SIPA1L1: variants seen among roughly 807,000 people sequenced by gnomAD.
The protein encoded by SIPA1L1 is signal induced proliferation associated 1 like 1, also known as signal-induced proliferation-associated 1-like protein 1.
In SIPA1L1, 26 loss-of-function variants were observed where a neutral mutation model predicts 162.7. That is an observed-to-expected ratio of 0.16 (90% confidence interval 0.12 to 0.22). SIPA1L1 has a LOEUF of 0.22. SIPA1L1 is among the 10% of genes least tolerant of loss of function. The pLI is 1.00. For missense variants in SIPA1L1, 1,874 were observed against 2,241.0 expected, an observed-to-expected ratio of 0.84 and a Z score of 3.31; for synonymous variants, 829 against 837.4, an observed-to-expected ratio of 0.99 and a Z score of 0.17.
chr14:71,362,222 A>C (rs913181492), intron 2 of SIPA1L1, among the ~76,000 whole-genome samples: 4 of 152,202 alleles, frequency 2.6e-5, no homozygotes, highest in Non-Finnish European at 1.5e-5. Context: ...AGATAGTTTT[A>C]ATGCCCTTGA....
chr14:71,659,818 A>C (rs990125811), intron 9 of SIPA1L1, among the ~76,000 whole-genome samples: 1 of 152,170 alleles, frequency 6.6e-6, no homozygotes, highest in Non-Finnish European at 1.5e-5. Flanking sequence ...TTTGGAGTCC[A>C]ATCAAGGCAA....
At chr14:71,544,150 CG>C (rs1336479929) in intron 4 of SIPA1L1, among the ~76,000 whole-genome samples, 3 of 150,214 alleles carry the variant, frequency 2.0e-5, no homozygotes, top group Admixed American at 1.3e-4. Flanking sequence ...CATATATGCA[CG>C]TGTGTGTATA....
chr14:71,478,171 G>A (rs1187511566), intron 2 of SIPA1L1, among the ~76,000 whole-genome samples: 1 of 152,018 alleles, frequency 6.6e-6, no homozygotes, highest in Admixed American at 6.6e-5. Flanking sequence ...TATCTTTTTT[G>A]ATGAAGCATC....
intron 2 of SIPA1L1, among the ~76,000 whole-genome samples, chr14:71,421,748 A>G (rs1003290653): frequency 6.6e-6 from 1 of 152,014 alleles, no homozygotes; most frequent in Non-Finnish European, 1.5e-5. Context: ...GTTGGATATA[A>G]TATTGGAGAT....
intron 13 of SIPA1L1, among the ~76,000 whole-genome samples, chr14:71,696,259 G>T (rs1269104753): frequency 1.3e-5 from 2 of 152,118 alleles, no homozygotes; most frequent in Non-Finnish European, 2.9e-5. Flanking sequence ...TAGAAACCCT[G>T]CTTCTTTCTT....
At chr14:71,477,677 A>G (rs965947335) in intron 2 of SIPA1L1, among the ~76,000 whole-genome samples, 6 of 152,110 alleles carry the variant, frequency 3.9e-5, no homozygotes, top group African/African-American at 1.2e-4. Context: ...TGTGGATAGT[A>G]TAGATACTTG....
intron 2 of SIPA1L1, among the ~76,000 whole-genome samples, chr14:71,360,183 G>A (rs1039290597): frequency 9.9e-5 from 15 of 152,164 alleles, no homozygotes; most frequent in Admixed American, 2.0e-4. Flanking sequence ...AGCTTATAAT[G>A]TTCTAAAGGT....
intron 5 of SIPA1L1, among the ~76,000 whole-genome samples, chr14:71,612,703 G>A (rs1024176795): frequency 6.6e-6 from 1 of 152,114 alleles, no homozygotes; most frequent in Admixed American, 6.5e-5. Flanking sequence ...CCCTTCACAA[G>A]TAAAACACCA....
intron 7 of SIPA1L1, among the ~76,000 whole-genome samples, chr14:71,649,716 C>T (rs1341291176): frequency 6.6e-6 from 1 of 152,162 alleles, no homozygotes. Context: ...TCTGCAGACA[C>T]TCATCCTTTG....
intron 9 of SIPA1L1, among the ~76,000 whole-genome samples, chr14:71,659,193 A>G (rs551495214): frequency 4.6e-5 from 7 of 152,350 alleles, no homozygotes; most frequent in Admixed American, 1.3e-4. Context: ...TTTAAAAGCT[A>G]TTACAAACTT....
intron 2 of SIPA1L1, among the ~76,000 whole-genome samples, chr14:71,459,524 TA>T (rs1366215436): frequency 1.3e-5 from 2 of 151,962 alleles, no homozygotes; most frequent in Non-Finnish European, 2.9e-5. Flanking sequence ...GGTCCCACAA[TA>T]GTCTGTCTGC....
intron 2 of SIPA1L1, among the ~76,000 whole-genome samples, chr14:71,468,005 GGTGTGTGTGTGTGTGTGTGTGTGT>G (rs56265408): frequency 2.1e-5 from 3 of 141,604 alleles, no homozygotes; most frequent in Admixed American, 7.1e-5. Context: ...CAGTTAGAGG[GGTGTGTGTGTGTGTGTGTGTGTGT>G]GTGTGTGTGT....
At chr14:71,646,567 A>T (rs2042190770) in intron 7 of SIPA1L1, among the ~76,000 whole-genome samples, 1 of 152,224 alleles carries the variant, frequency 6.6e-6, no homozygotes, top group Admixed American at 6.5e-5. Context: ...CAACACTTTT[A>T]GTAAGTGTTG....
intron 2 of SIPA1L1, among the ~76,000 whole-genome samples, chr14:71,391,043 A>C (rs2141344868): frequency 6.6e-6 from 1 of 151,844 alleles, no homozygotes; most frequent in African/African-American, 2.4e-5. Context: ...GGACAATGAC[A>C]GTGGAAAGGA....
chr14:71,563,701 T>C (rs2056969870), intron 4 of SIPA1L1, among the ~76,000 whole-genome samples: 2 of 152,218 alleles, frequency 1.3e-5, no homozygotes, highest in African/African-American at 4.8e-5. Flanking sequence ...TAGCACACAC[T>C]ATCTTCTTTA....
intron 2 of SIPA1L1, among the ~76,000 whole-genome samples, chr14:71,333,316 G>A (rs1353805196): frequency 6.6e-6 from 1 of 152,180 alleles, no homozygotes; most frequent in Non-Finnish European, 1.5e-5. Flanking sequence ...CAGTCACACT[G>A]AAGATCTGAG....
chr14:71,646,161 CTGTT>C (rs2042139706), intron 7 of SIPA1L1, among the ~76,000 whole-genome samples: 1 of 151,140 alleles, frequency 6.6e-6, no homozygotes, highest in Non-Finnish European at 1.5e-5. Context: ...ATTGCACTGT[CTGTT>C]TCTTTCTTTC....
intron 5 of SIPA1L1, among the ~76,000 whole-genome samples, chr14:71,594,960 C>T (rs763219731): frequency 4.3e-4 from 65 of 152,104 alleles, no homozygotes; most frequent in Non-Finnish European, 8.4e-4. Context: ...TGTGTTTGCT[C>T]TTTGGAAAGC....
chr14:71,718,497 T>A (rs1446749970), intron 17 of SIPA1L1, among the ~76,000 whole-genome samples: 2 of 152,140 alleles, frequency 1.3e-5, no homozygotes, highest in Non-Finnish European at 1.5e-5. Context: ...TAAGAATACA[T>A]GTGAAAGCCA....
Sources: allele counts gnomAD v4.1 joint callset (sites outside exome capture counted in the v4.1 genomes callset), GRCh38; gene constraint gnomAD v4.1.1; transcripts MANE v1.5; gene names NCBI Gene and HGNC (gene_info 2026-07-23, HGNC 2026-07-21).